FREM2: variants seen among roughly 807,000 people sequenced by gnomAD.
FREM2 encodes FRAS1 related extracellular matrix 2, also known as FRAS1-related extracellular matrix protein 2.
Under a neutral mutation model 219.9 loss-of-function variants are expected in FREM2, and 119 were observed. That is an observed-to-expected ratio of 0.54 (90% CI 0.47 to 0.63). The LOEUF (loss-of-function observed/expected upper bound fraction) is 0.63. Ranked by LOEUF, FREM2 falls within the 30% of genes least tolerant of loss-of-function variation. The pLI, the probability that FREM2 is intolerant of heterozygous loss-of-function variation, is 0.00. For synonymous variants in FREM2, 1,562 were observed against 1,522.8 expected (o/e 1.03, Z -0.60); for missense variants, 4,030 against 3,993.6 (o/e 1.01, Z -0.25).
chr13:38,791,549 C>A (rs1193122748), intron 6 of FREM2, among the ~76,000 whole-genome samples: 1 of 152,152 alleles, frequency 6.6e-6, no homozygotes, highest in East Asian at 1.9e-4. Context: ...AGGAAACTTA[C>A]AATCATGGCA....
At chr13:38,692,791 C>T (rs1056618829) in intron 1 of FREM2, among the ~76,000 whole-genome samples, 2 of 152,140 alleles carry the variant, frequency 1.3e-5, no homozygotes, top group African/African-American at 4.8e-5. Context: ...GAATTAAAAT[C>T]GAAGCAGGCT....
intron 2 of FREM2, among the ~76,000 whole-genome samples, chr13:38,750,878 GA>G (rs1872723240): frequency 6.6e-6 from 1 of 152,112 alleles, no homozygotes; most frequent in African/African-American, 2.4e-5. Context: ...CTTTTTAGTA[GA>G]GATGGGATTT....
chr13:38,856,140 G>A lies in FREM2; in HGVS notation c.6940G>A (p.Glu2314Lys). Residue 2314 changes from glutamate (E) to lysine (K), a missense_variant, in exon 12 of 24, where the codon GAA becomes AAA. Physicochemically the swap from Glu to Lys is moderately conservative, Grantham distance 56. This residue lies in a region of FREM2 where 3,102 missense variants were observed against 2,950.7 expected (regional missense o/e 1.05). Transcript: ENST00000280481. Reference sequence around the variant, plus strand: ...TACATTTGTAGAAATTGAGTTTAAGGAAGGGGAAACCCAGCACGTGGTTGA... The same window carrying A: ...TACATTTGTAGAAATTGAGTTTAAGAAAGGGGAAACCCAGCACGTGGTTGA... ...HPVSEEIEFK[E>K]GETQHVVEIE... is the part of the protein sequence containing the mutation. 6.2e-7 allele frequency: 1 copy of A among 1,609,412 alleles called. No homozygotes were observed. Among genetic ancestry groups the A allele is most frequent in the East Asian group, 2.2e-5 (1 of 44,732 alleles).
intron 14 of FREM2, 80 bp downstream of exon 14, chr13:38,859,670 C>T: frequency 8.0e-7 from 1 of 1,252,730 alleles, no homozygotes; most frequent in Non-Finnish European, 1.2e-6. Flanking sequence ...GTTATTAATA[C>T]TTCCAATGTC....
chr13:38,688,672 G>A lies in FREM2; in HGVS notation c.1328G>A (p.Arg443Gln), dbSNP rs533045176. Residue 443 changes from arginine to glutamine, a missense_variant, in exon 1 of 24, where the codon CGG becomes CAG. This residue lies in a region of FREM2 where 3,102 missense variants were observed against 2,950.7 expected (regional missense o/e 1.05). Transcript: ENST00000280481. The part of the protein sequence containing the change: ...PMNTMAPVVT[R>Q]NTGLILYEGQ... ...AACACAATGGCTCCGGTGGTCACCC[G>A]GAATACCGGTCTTATTCTCTATGAG... 9.9e-6 allele frequency: 16 copies of A among 1,614,020 alleles called. No homozygotes were observed. The highest frequency in any genetic ancestry group is 4.5e-5 in the East Asian group (2 of 44,862).
chr13:38,698,831 T>C (rs1376195042), intron 2 of FREM2, among the ~76,000 whole-genome samples: 1 of 152,176 alleles, frequency 6.6e-6, no homozygotes, highest in Non-Finnish European at 1.5e-5. Flanking sequence ...TTCTGAAAAA[T>C]GTCAATTGTT....
chr13:38,792,408 G>A (rs555898243), intron 6 of FREM2, among the ~76,000 whole-genome samples: 14 of 152,256 alleles, frequency 9.2e-5, no homozygotes, highest in Middle Eastern at 3.4e-3. Flanking sequence ...TCTCTGGAGT[G>A]TATACAATTG....
chr13:38,847,762 G>C (rs961888081), intron 7 of FREM2, among the ~76,000 whole-genome samples: 3 of 152,054 alleles, frequency 2.0e-5, no homozygotes, highest in Non-Finnish European at 2.9e-5. Context: ...AAATATTATC[G>C]ATCTGTTGCC....
At position 38,886,181 on chromosome 13, in the gene FREM2, T is replaced by TA. The variant is rs1216012296; in HGVS notation, c.*5399dup. On this transcript the variant is annotated 3_prime_UTR_variant, in exon 24 of 24. Coordinates refer to ENST00000280481, the MANE Select transcript of FREM2 (RefSeq NM_207361.6). ...GCATTAAAAGTAAAGAGCAGTACAA[T>TA]AAAAATCACTTAAAATAGAGAAAGG... is the stretch of plus-strand genomic sequence containing the variant. 2 of 152,198 alleles carry TA rather than the reference T, an allele frequency of 1.3e-5. No homozygotes were observed. Among genetic ancestry groups the TA allele is most frequent in the Admixed American group, 6.5e-5 (1 of 15,278 alleles). 9.4% of individuals were successfully genotyped at this position (152,198 alleles called of 1,614,324 possible).
At chr13:38,754,901 G>GATGATGATGATGATT (rs56270131) in intron 2 of FREM2, among the ~76,000 whole-genome samples, 3 of 128,648 alleles carry the variant, frequency 2.3e-5, no homozygotes, top group Non-Finnish European at 4.8e-5. Context: ...TGATGATGAT[G>GATGATGATGATGATT]ATTATTATTA....
At position 38,824,977 on chromosome 13, in the gene FREM2, G is replaced by C. The variant is rs147321673; in HGVS notation, c.6020-21596G>C. Among the ~76,000 whole-genome samples, 1,005 of 151,942 alleles carry C rather than the reference G, an allele frequency of 6.6e-3. 8 individuals are homozygous for C. The highest frequency in any genetic ancestry group is 0.023 in the African/African-American group (946 of 41,430). ...CTTGAAAGCTAAAGAAAAGGTTGGG[G>C]GTGGAGGGGGGCGGCGGGCTAGATC... On this transcript the variant is annotated intron_variant, in intron 6 of 23. Coordinates refer to ENST00000280481, the MANE Select transcript of FREM2 (RefSeq NM_207361.6).
Position 38,784,579 on chromosome 13 carries a change from G to T in FREM2, c.5790G>T (p.Pro1930=). 2 of 1,614,106 alleles carry T rather than the reference G, an allele frequency of 1.2e-6. No individual in the cohort carries two copies. Among genetic ancestry groups the T allele is most frequent in the Non-Finnish European group, 1.7e-6 (2 of 1,179,988 alleles). The part of the protein sequence containing the change: ...TQQGTATGTV[P]TSVLSYSDYI... ...CAGGAACAGCAACTGGAACTGTGCC[G>T]ACTTCCGTGTTGTCTTACTCTGATT... The change falls in exon 6 of 24, where the codon CCG becomes CCT. Residue 1930 remains proline, a synonymous_variant. Transcript: ENST00000280481.
At chr13:38,786,029 T>TA (rs1287009360) in intron 6 of FREM2, among the ~76,000 whole-genome samples, 2 of 152,208 alleles carry the variant, frequency 1.3e-5, no homozygotes, top group African/African-American at 4.8e-5. Context: ...AGCATGTCCA[T>TA]CATGTCAAAC....
At chr13:38,829,470 T>G (rs1876423285) in intron 6 of FREM2, among the ~76,000 whole-genome samples, 1 of 152,036 alleles carries the variant, frequency 6.6e-6, no homozygotes, top group Non-Finnish European at 1.5e-5. Context: ...ACTCAACTAT[T>G]TATCATTATT....
chr13:38,878,119 A>G lies in FREM2; in HGVS notation c.8672-15A>G. 2 of 1,603,690 alleles carry G rather than the reference A, an allele frequency of 1.2e-6. No homozygotes were observed. The highest frequency in any genetic ancestry group is 1.7e-6 in the Non-Finnish European group (2 of 1,170,594). On this transcript the variant is annotated splice_polypyrimidine_tract_variant and intron_variant, in intron 21 of 23. Coordinates refer to ENST00000280481, the MANE Select transcript of FREM2 (RefSeq NM_207361.6). ...ATCATATAACAGAAATAACATTTCCACATCTCTATTTCAGGTGATATAATT... is the reference window on the plus strand; with the variant it reads ...ATCATATAACAGAAATAACATTTCCGCATCTCTATTTCAGGTGATATAATT...
rs886190054 is a variant in FREM2, at chr13:38,856,057, A to C, written c.6926-69A>C. ...TTGTAGGCCACAGTAAAAAAAAAAA[A>C]AAAAAAAAAATAGAAAACTTCTCAT... On this transcript the variant is annotated intron_variant, in intron 11 of 23. Transcript: ENST00000280481. The C allele has an allele frequency of 1.5e-5, 17 of 1,131,224 alleles. No individual in the cohort carries two copies. The African/African-American group carries it at 2.1e-4, about 14-fold the overall frequency. The allele number at this position is 1,131,224 out of a possible 1,614,324, so 70.1% of individuals were successfully genotyped here. A position where few individuals can be genotyped will look rare whatever the true frequency, so the allele number is the denominator to read the frequency against.
intron 2 of FREM2, among the ~76,000 whole-genome samples, chr13:38,721,544 C>T (rs1277359438): frequency 1.3e-5 from 2 of 152,134 alleles, no homozygotes; most frequent in African/African-American, 2.4e-5. Flanking sequence ...GTTCCAGAGC[C>T]TGTATAGACC....
intron 2 of FREM2, among the ~76,000 whole-genome samples, chr13:38,710,622 TTA>T (rs2138094450): frequency 6.6e-6 from 1 of 152,368 alleles, no homozygotes; most frequent in South Asian, 2.1e-4. Context: ...TCATTCATAT[TTA>T]TGTCTCTTCT....
chr13:38,713,586 C>A (rs957169233), intron 2 of FREM2, among the ~76,000 whole-genome samples: 1 of 152,174 alleles, frequency 6.6e-6, no homozygotes, highest in African/African-American at 2.4e-5. Flanking sequence ...TAACTGATCG[C>A]TCCATTTTTA....
Sources: allele counts gnomAD v4.1 joint callset (sites outside exome capture counted in the v4.1 genomes callset), GRCh38; gene constraint gnomAD v4.1.1; regional missense constraint gnomAD v4.1.1; transcripts MANE v1.5; gene names NCBI Gene and HGNC (gene_info 2026-07-23, HGNC 2026-07-21).